Variants in DLGAP1 observed in about 807,000 individuals in gnomAD.
DLGAP1 encodes disks large-associated protein 1.
DLGAP1 carries 11 observed loss-of-function variants against 90.8 expected under a neutral mutation model. That is an observed-to-expected ratio of 0.12 (90% CI 0.08 to 0.20). The LOEUF (loss-of-function observed/expected upper bound fraction) is 0.20. Among genes scored for constraint, DLGAP1 ranks in the 10% least tolerant of loss-of-function variants. DLGAP1 has a pLI of 1.00. For missense variants in DLGAP1, 1,050 were observed against 1,333.8 expected, an observed-to-expected ratio of 0.79 and a Z score of 3.31; for synonymous variants, 558 against 540.7, an observed-to-expected ratio of 1.03 and a Z score of -0.44.
intron 1 of DLGAP1, among the ~76,000 whole-genome samples, chr18:4,419,045 G>C (rs944477516): frequency 6.6e-6 from 1 of 152,134 alleles, no homozygotes; most frequent in East Asian, 1.9e-4. Context: ...CTTGTAGCTA[G>C]AAGACAATGG....
chr18:4,081,771 A>G (rs1003698050), intron 2 of DLGAP1, among the ~76,000 whole-genome samples: 6 of 152,230 alleles, frequency 3.9e-5, no homozygotes, highest in African/African-American at 1.4e-4. Flanking sequence ...AGAATCATTT[A>G]GCAGCTGTTG....
chr18:3,676,163 C>T (rs2060291298), intron 7 of DLGAP1, among the ~76,000 whole-genome samples: 1 of 152,206 alleles, frequency 6.6e-6, no homozygotes, highest in Middle Eastern at 3.2e-3. Context: ...TTTCCTCTGC[C>T]AGCCGCGTGT....
chr18:4,092,669 T>C (rs906565325), intron 2 of DLGAP1, among the ~76,000 whole-genome samples: 1 of 152,188 alleles, frequency 6.6e-6, no homozygotes, highest in Non-Finnish European at 1.5e-5. Context: ...AAGGCTTTTG[T>C]TCCATAACAG....
chr18:4,237,773 A>G (rs560912489), intron 1 of DLGAP1, among the ~76,000 whole-genome samples: 1 of 152,188 alleles, frequency 6.6e-6, no homozygotes, highest in Non-Finnish European at 1.5e-5. Flanking sequence ...GACAGCGGGA[A>G]TTATTGAACT....
chr18:3,546,307 C>T (rs1053188464), intron 9 of DLGAP1, among the ~76,000 whole-genome samples: 2 of 151,568 alleles, frequency 1.3e-5, no homozygotes, highest in Admixed American at 6.6e-5. Context: ...CCAGCTACAC[C>T]GGAGACTGAG....
At chr18:4,278,053 CTTTGGCTCTTT>C (rs748058033) in intron 1 of DLGAP1, among the ~76,000 whole-genome samples, 2 of 151,934 alleles carry the variant, frequency 1.3e-5, no homozygotes, top group East Asian at 3.9e-4. Context: ...AGCTACTTAC[CTTTGGCTCTTT>C]TTTATTATTT....
Position 3,784,782 on chromosome 18 carries a change from A to G in DLGAP1, c.1172+29277T>C, listed in dbSNP as rs555527303. On this transcript the variant is annotated intron_variant, in intron 5 of 12. Transcript: ENST00000315677. ...GTTAAAAACTGTATTGAGAAAACAA[A>G]GATAATCTCTAGAATTGGTTCTAAA... 2.0e-5 allele frequency among the ~76,000 whole-genome samples: 3 copies of G among 152,326 alleles called. No individual in the cohort carries two copies. The East Asian group carries it at 5.8e-4, about 29-fold the overall frequency.
intron 2 of DLGAP1, among the ~76,000 whole-genome samples, chr18:4,107,441 T>C (rs28481672): frequency 0.5 from 76,652 of 152,042 alleles, 20,186 homozygotes; most frequent in Middle Eastern, 0.65. Flanking sequence ...TTCCCTATCC[T>C]GCTTCCCAAT....
Position 3,879,165 on chromosome 18 carries a change from C to T in DLGAP1, c.904G>A (p.Ala302Thr), listed in dbSNP as rs1270068745. 6 of 1,516,914 alleles carry T rather than the reference C, an allele frequency of 4.0e-6. No individual in the cohort carries two copies. Among genetic ancestry groups the T allele is most frequent in the Non-Finnish European group, 5.3e-6 (6 of 1,133,082 alleles). The allele number at this position is 1,516,914 out of a possible 1,614,324, so 94.0% of individuals were successfully genotyped here. A position where few individuals can be genotyped will look rare whatever the true frequency, so the allele number is the denominator to read the frequency against. Residue 302 changes from alanine to threonine, a missense_variant, in exon 4 of 13, where the codon GCC (alanine) becomes ACC (threonine). Ala to Thr is a moderately conservative substitution (Grantham distance 58). This residue lies in a region of DLGAP1 where 485 missense variants were observed against 454.1 expected (regional missense o/e 1.07). Transcript: ENST00000315677. This position sits in a 1 kb window ranked among gnomAD's most constrained non-coding sequence, Gnocchi z 6.6. Reference protein sequence around the residue: ...YQKASVNMDQAMVKSESCQQE... With the variant: ...YQKASVNMDQTMVKSESCQQE... Reference sequence around the variant, plus strand: ...TGACACGACTCGGACTTCACCATGGCCTGGTCCATGTTCACCGAGGCCTTC... The same window carrying T: ...TGACACGACTCGGACTTCACCATGGTCTGGTCCATGTTCACCGAGGCCTTC...
chr18:3,701,718 G>C (rs964185382), intron 7 of DLGAP1, among the ~76,000 whole-genome samples: 1 of 152,184 alleles, frequency 6.6e-6, no homozygotes, highest in Non-Finnish European at 1.5e-5. Context: ...ATAAAGAAGA[G>C]AGAAGATACC....
At chr18:3,546,860 A>T (rs191069083) in intron 9 of DLGAP1, among the ~76,000 whole-genome samples, 1 of 152,268 alleles carries the variant, frequency 6.6e-6, no homozygotes, top group East Asian at 1.9e-4. Context: ...GGAAATTATA[A>T]GATAAAAGCA....
chr18:3,585,416 G>C (rs2055821387), intron 7 of DLGAP1, among the ~76,000 whole-genome samples: 1 of 152,160 alleles, frequency 6.6e-6, no homozygotes, highest in Non-Finnish European at 1.5e-5. Context: ...AATTAGGATA[G>C]AACCTCTCCC....
At chr18:3,551,158 CATAT>C (rs1275015577) in intron 9 of DLGAP1, among the ~76,000 whole-genome samples, 3 of 7,826 alleles carry the variant, frequency 3.8e-4, no homozygotes, top group African/African-American at 4.2e-4. Context: ...ATATTATATA[CATAT>C]ATATATATAT....
intron 7 of DLGAP1, among the ~76,000 whole-genome samples, chr18:3,627,340 G>C (rs116282742): frequency 0.013 from 1,973 of 150,736 alleles, 49 homozygotes; most frequent in African/African-American, 0.046. Flanking sequence ...TCTGAGCTCA[G>C]GGAAGGCACT....
chr18:4,339,368 C>T (rs1405480969), intron 1 of DLGAP1, among the ~76,000 whole-genome samples: 1 of 152,172 alleles, frequency 6.6e-6, no homozygotes, highest in Middle Eastern at 3.2e-3. Flanking sequence ...AAAGTTAATG[C>T]ATGCGAGTCT....
At chr18:3,512,457 C>A (rs2050598098) in intron 10 of DLGAP1, among the ~76,000 whole-genome samples, 1 of 152,112 alleles carries the variant, frequency 6.6e-6, no homozygotes, top group East Asian at 1.9e-4. Flanking sequence ...TTTATAAACT[C>A]CCCCACTTAT....
intron 2 of DLGAP1, among the ~76,000 whole-genome samples, chr18:4,099,684 ATTTCT>A (rs1435681746): frequency 1.4e-5 from 2 of 146,370 alleles, no homozygotes; most frequent in Admixed American, 6.8e-5. Flanking sequence ...GGTTGTGGCA[ATTTCT>A]TTTCTTTTTT....
Position 3,775,523 on chromosome 18 carries a change from C to T in DLGAP1, c.1173-33011G>A, listed in dbSNP as rs969288461. On this transcript the variant is annotated intron_variant, in intron 5 of 12. Transcript: ENST00000315677. This position sits in a 1 kb window ranked among gnomAD's most constrained non-coding sequence, Gnocchi z 4.9. Reference sequence around the variant, plus strand: ...CACCATGATTGTAAGTTTCCCGAGGCCTCACCAAGCACGCTTCCTGTACAG... The same window carrying T: ...CACCATGATTGTAAGTTTCCCGAGGTCTCACCAAGCACGCTTCCTGTACAG... Among the ~76,000 whole-genome samples the T allele has an allele frequency of 6.6e-6, 1 of 152,310 alleles. No homozygotes were observed. The highest frequency in any genetic ancestry group is 1.5e-5 in the Non-Finnish European group (1 of 68,030).
chr18:3,808,414 C>T (rs994305767), intron 5 of DLGAP1, among the ~76,000 whole-genome samples: 1 of 152,098 alleles, frequency 6.6e-6, no homozygotes, highest in Non-Finnish European at 1.5e-5. Context: ...TGGGACACTA[C>T]CCTGGGTTTA....
Sources: allele counts gnomAD v4.1 joint callset (sites outside exome capture counted in the v4.1 genomes callset), GRCh38; gene constraint gnomAD v4.1.1; regional missense constraint gnomAD v4.1.1; non-coding constraint Gnocchi (gnomAD v3.1); transcripts MANE v1.5; gene names NCBI Gene and HGNC (gene_info 2026-07-23, HGNC 2026-07-21).